The following PRR5L variants were observed in gnomAD, a reference collection of about 807,000 sequenced individuals.
PRR5L encodes proline rich 5 like, also known as proline-rich protein 5-like.
PRR5L carries 21 observed loss-of-function variants against 36.4 expected under a neutral mutation model. The observed-to-expected ratio is 0.58, with a 90% CI of 0.41 to 0.83. The LOEUF (loss-of-function observed/expected upper bound fraction) is 0.83, where lower values mean the gene tolerates loss of function less well. PRR5L is among the 40% of genes least tolerant of loss of function. PRR5L has a pLI of 0.00. For missense variants in PRR5L, 381 were observed against 473.3 expected (o/e 0.80, Z 1.81); for synonymous variants, 188 against 197.0 (o/e 0.95, Z 0.38).
At chr11:36,409,309 G>C (rs555405357) in intron 3 of PRR5L, among the ~76,000 whole-genome samples, 2 of 152,152 alleles carry the variant, frequency 1.3e-5, no homozygotes, top group Non-Finnish European at 2.9e-5. Context: ...GGAAACCAGA[G>C]ATCAGTTATC....
chr11:36,444,289 ATC>A (rs1195156646), intron 6 of PRR5L, among the ~76,000 whole-genome samples: 1 of 152,178 alleles, frequency 6.6e-6, no homozygotes, highest in East Asian at 1.9e-4. Flanking sequence ...GAGGGGTATA[ATC>A]TCTGTGTGGG....
At chr11:36,378,660 TA>T (rs1453168297) in intron 1 of PRR5L, among the ~76,000 whole-genome samples, 2 of 152,218 alleles carry the variant, frequency 1.3e-5, no homozygotes, top group Non-Finnish European at 1.5e-5. Flanking sequence ...GAAATTTCAA[TA>T]ATGTTCTGTC....
chr11:36,359,767 G>A (rs529451651), intron 1 of PRR5L, among the ~76,000 whole-genome samples: 3 of 152,176 alleles, frequency 2.0e-5, no homozygotes, highest in South Asian at 4.1e-4. Context: ...AAGCCTGGCC[G>A]AGTGCAGTGG....
intron 1 of PRR5L, among the ~76,000 whole-genome samples, chr11:36,368,274 A>T: frequency 6.6e-6 from 1 of 152,182 alleles, no homozygotes; most frequent in Non-Finnish European, 1.5e-5. Flanking sequence ...TGTAATGACC[A>T]CTACAGGGGC....
At chr11:36,320,495 G>T (rs909646004) in intron 1 of PRR5L, among the ~76,000 whole-genome samples, 1 of 151,744 alleles carries the variant, frequency 6.6e-6, no homozygotes, top group Non-Finnish European at 1.5e-5. Flanking sequence ...CATCTTGCCT[G>T]TTAATCTCTG....
chr11:36,371,559 AG>A (rs980835031), intron 1 of PRR5L, among the ~76,000 whole-genome samples: 1 of 152,232 alleles, frequency 6.6e-6, no homozygotes, highest in African/African-American at 2.4e-5. Context: ...GCATTAACAA[AG>A]GATCTTGGAT....
At chr11:36,400,112 A>G (rs939522148) in intron 1 of PRR5L, among the ~76,000 whole-genome samples, 1 of 152,182 alleles carries the variant, frequency 6.6e-6, no homozygotes, top group Admixed American at 6.5e-5. Context: ...CTGCAGGGCG[A>G]GTTGGGTTTA....
rs1425937 is a variant in PRR5L, at chr11:36,429,978, G to A, written c.295-1875G>A. On this transcript the variant is annotated intron_variant, in intron 4 of 8. Transcript: ENST00000530639. ...AACTTGGCTGGAAGCTAAAGAACAG[G>A]TTAGGGCTTTGTCTTTATTGCCTGT... 9.7e-3 allele frequency among the ~76,000 whole-genome samples: 1,477 copies of A among 152,248 alleles called. 15 individuals are homozygous for A. Among genetic ancestry groups the A allele is most frequent in the African/African-American group, 0.033 (1,358 of 41,536 alleles).
intron 3 of PRR5L, among the ~76,000 whole-genome samples, chr11:36,409,108 G>A (rs74688172): frequency 0.027 from 4,168 of 152,212 alleles, 74 homozygotes; most frequent in East Asian, 0.034. Flanking sequence ...GGGGCATGTG[G>A]AGGATGGGCA....
intron 1 of PRR5L, among the ~76,000 whole-genome samples, chr11:36,337,145 G>T (rs893596524): frequency 5.9e-5 from 9 of 152,082 alleles, no homozygotes; most frequent in Non-Finnish European, 1.3e-4. Context: ...TGCCACGGTC[G>T]CTGGGTCATG....
chr11:36,428,929 T>G (rs1796723551), intron 4 of PRR5L, among the ~76,000 whole-genome samples: 1 of 152,234 alleles, frequency 6.6e-6, no homozygotes, highest in African/African-American at 2.4e-5. Flanking sequence ...AAGTTTGTGT[T>G]TCTCTTATTT....
intron 1 of PRR5L, among the ~76,000 whole-genome samples, chr11:36,341,414 C>G (rs1339677551): frequency 6.6e-6 from 1 of 152,140 alleles, no homozygotes; most frequent in Non-Finnish European, 1.5e-5. Flanking sequence ...CTTCGATATG[C>G]CAGGTGCTGT....
chr11:36,339,684 A>C (rs1380109028), intron 1 of PRR5L, among the ~76,000 whole-genome samples: 1 of 152,228 alleles, frequency 6.6e-6, no homozygotes, highest in African/African-American at 2.4e-5. Flanking sequence ...GCCAGGATTT[A>C]ATCCAGGCAG....
intron 1 of PRR5L, among the ~76,000 whole-genome samples, chr11:36,337,219 G>A (rs1856777190): frequency 1.3e-5 from 2 of 152,242 alleles, no homozygotes; most frequent in South Asian, 4.2e-4. Flanking sequence ...TATTAAGAAG[G>A]AGGGCCTTTC....
At chr11:36,399,367 T>C (rs761540308) in intron 1 of PRR5L, among the ~76,000 whole-genome samples, 3 of 152,186 alleles carry the variant, frequency 2.0e-5, no homozygotes. Flanking sequence ...AAGTTCCTTG[T>C]TGCTATGCCT....
intron 1 of PRR5L, among the ~76,000 whole-genome samples, chr11:36,322,849 A>G (rs560742538): frequency 6.6e-6 from 1 of 152,330 alleles, no homozygotes; most frequent in Non-Finnish European, 1.5e-5. Flanking sequence ...CCTTATAAAA[A>G]GAGAAGAGGC....
intron 1 of PRR5L, among the ~76,000 whole-genome samples, chr11:36,390,347 C>A (rs1326566554): frequency 2.0e-5 from 3 of 152,180 alleles, no homozygotes; most frequent in African/African-American, 7.2e-5. Flanking sequence ...GACATGAAGG[C>A]AGGCCAATGA....
intron 1 of PRR5L, among the ~76,000 whole-genome samples, chr11:36,366,594 G>C (rs1447944598): frequency 6.6e-6 from 1 of 152,144 alleles, no homozygotes; most frequent in African/African-American, 2.4e-5. Context: ...TAGGTAGAAA[G>C]TCCTAGAAAC....
chr11:36,447,096 C>T (rs1472110311), intron 7 of PRR5L, among the ~76,000 whole-genome samples: 4 of 152,192 alleles, frequency 2.6e-5, no homozygotes, highest in Non-Finnish European at 5.9e-5. Flanking sequence ...AATTCTAAAT[C>T]AATACTAGGA....
Sources: allele counts gnomAD v4.1 joint callset (sites outside exome capture counted in the v4.1 genomes callset), GRCh38; gene constraint gnomAD v4.1.1; transcripts MANE v1.5; gene names NCBI Gene and HGNC (gene_info 2026-07-23, HGNC 2026-07-21).